The following ZWILCH variants were observed in gnomAD, a reference collection of about 807,000 sequenced individuals.
The protein encoded by ZWILCH is zwilch kinetochore protein.
ZWILCH carries 74 observed loss-of-function variants against 79.9 expected under a neutral mutation model. The observed-to-expected ratio is 0.93, with a 90% CI of 0.77 to 1.12. The LOEUF is 1.12. Among genes scored for constraint, ZWILCH ranks in the 50% most tolerant of loss-of-function variants. The pLI, the probability that ZWILCH is intolerant of heterozygous loss-of-function variation, is 0.00. For missense variants in ZWILCH, 694 were observed against 687.5 expected (o/e 1.01, Z -0.11); for synonymous variants, 241 against 228.2 (o/e 1.06, Z -0.51).
At chr15:66,528,779 C>T in intron 10 of ZWILCH, 73 bp from the exon 11 acceptor site, 1 of 1,250,668 alleles carries the variant, frequency 8.0e-7, no homozygotes. Flanking sequence ...TTTCTCAGAG[C>T]AGCATTTGAA....
rs1249016417 is a variant in ZWILCH, at chr15:66,527,872, A to G, written c.929A>G (p.Asp310Gly). Residue 310 changes from aspartate (D) to glycine (G), a missense_variant, in exon 10 of 19, where the codon GAT becomes GGT. Coordinates refer to ENST00000307897, the MANE Select transcript of ZWILCH (RefSeq NM_017975.5). The stretch of plus-strand genomic sequence containing the variant: ...CACTTTCTAGACTTAAATAAGCTGG[A>G]TGGATTTGGTGATTCTACAAAAAAA... The part of the protein sequence containing the change: ...QEFLNDLNKL[D>G]GFGDSTKKDT... The G allele has an allele frequency of 6.9e-6, 11 of 1,600,152 alleles. No homozygotes were observed. The highest frequency in any genetic ancestry group is 4.1e-5 in the African/African-American group (3 of 73,878).
chr15:66,538,236 C>T (rs1252451428), intron 16 of ZWILCH, among the ~76,000 whole-genome samples: 2 of 152,212 alleles, frequency 1.3e-5, no homozygotes, highest in African/African-American at 4.8e-5. Flanking sequence ...TAGCCAAACT[C>T]TCATCACTCC....
At chr15:66,544,648 G>A (rs1895297509) in intron 17 of ZWILCH, among the ~76,000 whole-genome samples, 1 of 151,240 alleles carries the variant, frequency 6.6e-6, no homozygotes, top group Non-Finnish European at 1.5e-5. Flanking sequence ...CGGCCAAAAG[G>A]ACAATTTTAA....
At chr15:66,540,615 T>A (rs1895162813) in intron 17 of ZWILCH, among the ~76,000 whole-genome samples, 1 of 151,370 alleles carries the variant, frequency 6.6e-6, no homozygotes, top group Admixed American at 6.6e-5. Context: ...ATAGCTCTTG[T>A]GTGCCCAGTA....
intron 4 of ZWILCH, among the ~76,000 whole-genome samples, chr15:66,517,216 C>A (rs924709436): frequency 6.6e-6 from 1 of 151,550 alleles, no homozygotes; most frequent in Non-Finnish European, 1.5e-5. Flanking sequence ...TTAGATTTTA[C>A]AGCATTTGCT....
chr15:66,544,724 T>TTTTTTGTGTGTGTGTGTGTG (rs145952622), intron 17 of ZWILCH, among the ~76,000 whole-genome samples: 6 of 128,488 alleles, frequency 4.7e-5, no homozygotes, highest in Non-Finnish European at 1.6e-5. Flanking sequence ...TTTTTGGTTT[T>TTTTTTGTGTGTGTGTGTGTG]TGTGTGTGTG....
chr15:66,519,128 G>T (rs758600261), intron 5 of ZWILCH, 50 bp downstream of exon 5: 4 of 1,563,022 alleles, frequency 2.6e-6, no homozygotes, highest in Non-Finnish European at 3.5e-6. Context: ...CATTTGTATA[G>T]TTATTGTTTC....
At chr15:66,541,258 T>C (rs11853240) in intron 17 of ZWILCH, among the ~76,000 whole-genome samples, 10,466 of 151,970 alleles carry the variant, frequency 0.069, 423 homozygotes, top group Middle Eastern at 0.11. Flanking sequence ...GCAGTCTAGC[T>C]TGGGCAACAG....
At chr15:66,507,894 C>G (rs1284696142) in intron 1 of ZWILCH, among the ~76,000 whole-genome samples, 1 of 148,632 alleles carries the variant, frequency 6.7e-6, no homozygotes, top group Non-Finnish European at 1.5e-5. Flanking sequence ...GATCACGCCA[C>G]TGTACTCCAA....
chr15:66,528,180 T>C (rs1226518667), intron 10 of ZWILCH, among the ~76,000 whole-genome samples: 1 of 152,236 alleles, frequency 6.6e-6, no homozygotes, highest in Non-Finnish European at 1.5e-5. Context: ...CATGGCTCAC[T>C]GCAGCTTTGA....
Position 66,529,578 on chromosome 15 carries a change from G to A in ZWILCH, c.1155+5G>A, listed in dbSNP as rs753705405. The stretch of plus-strand genomic sequence containing the variant: ...CGTGGTGATATACAGCCATGGGTAG[G>A]TTTAGTAGTGTGTGTCAGATCATTT... On this transcript the variant is annotated splice_donor_5th_base_variant and intron_variant, in intron 12 of 18. Transcript: ENST00000307897. 2 of 1,607,710 alleles carry A rather than the reference G, an allele frequency of 1.2e-6. No homozygotes were observed. Among genetic ancestry groups the A allele is most frequent in the African/African-American group, 2.7e-5 (2 of 74,766 alleles).
chr15:66,544,722 T>TG (rs1555426552), intron 17 of ZWILCH, among the ~76,000 whole-genome samples: 1 of 29,734 alleles, frequency 3.4e-5, no homozygotes. Context: ...TTTTTTTGGT[T>TG]TTTGTGTGTG....
intron 16 of ZWILCH, among the ~76,000 whole-genome samples, chr15:66,539,556 T>C (rs1189854817): frequency 6.6e-6 from 1 of 152,206 alleles, no homozygotes; most frequent in Admixed American, 6.5e-5. Context: ...TTTTCCTAAC[T>C]GCGCTCTGCC....
At position 66,549,796 on chromosome 15, in the gene ZWILCH, A is replaced by G. The variant is rs980506400; in HGVS notation, c.*1472A>G. 16 of 329,940 alleles carry G rather than the reference A, an allele frequency of 4.8e-5. No individual in the cohort carries two copies. The highest frequency in any genetic ancestry group is 8.7e-5 in the South Asian group (1 of 11,532). The allele number at this position is 329,940 out of a possible 1,614,324, so 20.4% of individuals were successfully genotyped here. A position where few individuals can be genotyped will look rare whatever the true frequency, so the allele number is the denominator to read the frequency against. On this transcript the variant is annotated 3_prime_UTR_variant, in exon 19 of 19. Transcript: ENST00000307897. ...ATAGTAGGTATATAAATTTATAGGT[A>G]TGATTCTGAAAGAATAAAACTTGAA...
intron 1 of ZWILCH, among the ~76,000 whole-genome samples, chr15:66,506,227 T>C (rs1465189609): frequency 6.6e-6 from 1 of 152,208 alleles, no homozygotes; most frequent in East Asian, 1.9e-4. Context: ...ACAAAAGTAG[T>C]GACGCTTGTA....
rs780697482 is a variant in ZWILCH, at chr15:66,532,384, T to A, written c.1293T>A (p.Asp431Glu). Residue 431 changes from aspartate to glutamate, a missense_variant, in exon 13 of 19, where the codon GAT becomes GAA. By Grantham distance (45) the Asp-to-Glu change is conservative. Transcript: ENST00000307897. The part of the protein sequence containing the change: ...LEIGLDKLKK[D>E]YISFFIGQEL... Reference sequence around the variant, plus strand: ...TTGGTTTGGACAAACTAAAGAAAGATTATATCAGTTTTTTCATAGGTAAGT... The same window carrying A: ...TTGGTTTGGACAAACTAAAGAAAGAATATATCAGTTTTTTCATAGGTAAGT... 5.0e-6 allele frequency: 8 copies of A among 1,606,478 alleles called. No homozygotes were observed. Among genetic ancestry groups the A allele is most frequent in the Non-Finnish European group, 5.9e-6 (7 of 1,177,754 alleles).
At chr15:66,519,738 C>T (rs912815300) in intron 5 of ZWILCH, among the ~76,000 whole-genome samples, 1 of 152,234 alleles carries the variant, frequency 6.6e-6, no homozygotes, top group Non-Finnish European at 1.5e-5. Flanking sequence ...CCCCCCTCGG[C>T]CTCCCGAAGT....
chr15:66,533,060 C>A, intron 14 of ZWILCH, 47 bp downstream of exon 14: 1 of 1,386,836 alleles, frequency 7.2e-7, no homozygotes, highest in South Asian at 1.3e-5. Flanking sequence ...TTTATTCAGT[C>A]ATTCTGTGTG....
At chr15:66,529,012 A>G in intron 11 of ZWILCH, 55 bp downstream of exon 11, 1 of 1,438,380 alleles carries the variant, frequency 7.0e-7, no homozygotes, top group East Asian at 2.3e-5. Context: ...TTTATTTTTA[A>G]GTCTTTTGGA....
Sources: gnomAD v4.1 joint callset for allele counts (sites outside exome capture counted in the v4.1 genomes callset) on GRCh38, gnomAD v4.1.1 for gene constraint, MANE v1.5 for transcripts, NCBI Gene and HGNC (gene_info 2026-07-23, HGNC 2026-07-21) for gene names.